The following SMARCAL1 variants were observed in gnomAD, a reference collection of about 807,000 sequenced individuals.
The protein encoded by SMARCAL1 is ATP-driven annealing helicase.
Under a neutral mutation model 94.5 loss-of-function variants are expected in SMARCAL1, and 58 were observed. That is an observed-to-expected ratio of 0.61 (90% CI 0.50 to 0.76). The LOEUF (loss-of-function observed/expected upper bound fraction) is 0.76. Ranked by LOEUF, SMARCAL1 falls within the 30% of genes least tolerant of loss-of-function variation. The pLI is 0.00. For missense variants in SMARCAL1, 1,051 were observed against 1,177.9 expected (o/e 0.89, Z 1.58); for synonymous variants, 422 against 455.1 (o/e 0.93, Z 0.93).
chr2:216,479,569 C>CTAAAGA (rs140870497), intron 17 of SMARCAL1, among the ~76,000 whole-genome samples: 51,597 of 151,620 alleles, frequency 0.34, 8,920 homozygotes, highest in African/African-American at 0.41. Context: ...TCTTTCTTTG[C>CTAAAGA]AAGGATTTAT....
intron 13 of SMARCAL1, among the ~76,000 whole-genome samples, chr2:216,466,741 T>A (rs1694837592): frequency 6.6e-6 from 1 of 152,212 alleles, no homozygotes; most frequent in Non-Finnish European, 1.5e-5. Flanking sequence ...GCCTTGTGAC[T>A]TTTTGATGCT....
rs908473973 is a variant in SMARCAL1 at position 216,453,213 on chromosome 2, G to A, written c.2070+2149G>A. On this transcript the variant is annotated intron_variant, in intron 12 of 17. Coordinates refer to ENST00000357276, the MANE Select transcript of SMARCAL1 (RefSeq NM_014140.4). Reference sequence around the variant, plus strand: ...AGAGCCCGGAGCTCTTCTCAGTCCAGCACCTGAGAGTTGCTGTCTGCTTCC... The same window carrying A: ...AGAGCCCGGAGCTCTTCTCAGTCCAACACCTGAGAGTTGCTGTCTGCTTCC... 2.0e-5 allele frequency among the ~76,000 whole-genome samples: 3 copies of A among 152,284 alleles called. No individual in the cohort carries two copies. The East Asian group carries it at 5.8e-4, about 29-fold the overall frequency.
At chr2:216,476,630 A>C (rs1695086652) in intron 15 of SMARCAL1, among the ~76,000 whole-genome samples, 1 of 152,208 alleles carries the variant, frequency 6.6e-6, no homozygotes, top group African/African-American at 2.4e-5. Flanking sequence ...ATTTATTATA[A>C]GGCTTACCAC....
At chr2:216,481,879 CT>C (rs1482300460) in intron 17 of SMARCAL1, among the ~76,000 whole-genome samples, 1 of 152,074 alleles carries the variant, frequency 6.6e-6, no homozygotes, top group East Asian at 1.9e-4. Flanking sequence ...GAAAATATAC[CT>C]CTAAATTGAA....
intron 4 of SMARCAL1, among the ~76,000 whole-genome samples, chr2:216,419,186 A>G (rs1424133326): frequency 6.6e-6 from 1 of 152,246 alleles, no homozygotes; most frequent in Non-Finnish European, 1.5e-5. Flanking sequence ...GTTTTCCAGC[A>G]GGTTTTATTC....
chr2:216,424,452 G>A (rs1693787643), intron 6 of SMARCAL1, among the ~76,000 whole-genome samples: 1 of 152,132 alleles, frequency 6.6e-6, no homozygotes, highest in African/African-American at 2.4e-5. Flanking sequence ...AATCCTGATG[G>A]CCTGTTGGGC....
intron 2 of SMARCAL1, chr2:216,414,362 G>A: frequency 3.2e-6 from 1 of 315,326 alleles, no homozygotes; most frequent in Non-Finnish European, 6.1e-6. Context: ...TCACCATGTT[G>A]GCCAGGCTGG....
intron 7 of SMARCAL1, among the ~76,000 whole-genome samples, chr2:216,431,753 A>G (rs1030297454): frequency 2.6e-5 from 4 of 152,184 alleles, no homozygotes; most frequent in African/African-American, 9.7e-5. Context: ...ATAGTGGAAT[A>G]CACCTTTATT....
chr2:216,448,221 A>C (rs1248342615), intron 11 of SMARCAL1, among the ~76,000 whole-genome samples: 1 of 152,232 alleles, frequency 6.6e-6, no homozygotes, highest in African/African-American at 2.4e-5. Flanking sequence ...TCATATATTT[A>C]GTTCATTTTC....
rs1231020910 is a variant in SMARCAL1 at position 216,475,656 on chromosome 2, C to A, written c.2427+205C>A. On this transcript the variant is annotated intron_variant, in intron 15 of 17. Coordinates refer to ENST00000357276, the MANE Select transcript of SMARCAL1 (RefSeq NM_014140.4). The surrounding 1 kb of genome is among the most constrained non-coding windows in gnomAD (Gnocchi z 4.4). ...TTTTTGAGACAGAGTCTCTTATCACCCAGGCTGGAGTGCAGTGGCATGATC... is the reference window on the plus strand; with the variant it reads ...TTTTTGAGACAGAGTCTCTTATCACACAGGCTGGAGTGCAGTGGCATGATC... Among the ~76,000 whole-genome samples, 1 of 151,916 alleles carries A rather than the reference C, an allele frequency of 6.6e-6. No homozygotes were observed. Among genetic ancestry groups the A allele is most frequent in the Admixed American group, 6.6e-5 (1 of 15,248 alleles).
At position 216,475,486 on chromosome 2, in the gene SMARCAL1, C is replaced by A; in HGVS notation, c.2427+35C>A. 1 of 1,606,822 alleles carries A rather than the reference C, an allele frequency of 6.2e-7. No homozygotes were observed. Among genetic ancestry groups the A allele is most frequent in the Non-Finnish European group, 8.5e-7 (1 of 1,173,310 alleles). On this transcript the variant is annotated intron_variant, in intron 15 of 17. Coordinates refer to ENST00000357276, the MANE Select transcript of SMARCAL1 (RefSeq NM_014140.4). This position sits in a 1 kb window ranked among gnomAD's most constrained non-coding sequence, Gnocchi z 4.4. Reference sequence around the variant, plus strand: ...GCAGAAGACTCAGATACTCCCCAGGCATGCTCATGGCTGTGGGCAGGAAGC... The same window carrying A: ...GCAGAAGACTCAGATACTCCCCAGGAATGCTCATGGCTGTGGGCAGGAAGC...
chr2:216,462,905 G>C (rs1199156260), intron 12 of SMARCAL1, among the ~76,000 whole-genome samples: 1 of 151,924 alleles, frequency 6.6e-6, no homozygotes, highest in Non-Finnish European at 1.5e-5. Flanking sequence ...TGGGAGGATT[G>C]CTTGAGCCCA....
chr2:216,478,101 A>C (rs1695127556), intron 16 of SMARCAL1, 102 bp from the exon 17 acceptor site: 1 of 959,282 alleles, frequency 1.0e-6, no homozygotes, highest in African/African-American at 1.6e-5. Flanking sequence ...TGAAACCGTA[A>C]ACAAGCCGTT....
chr2:216,450,835 G>T lies in SMARCAL1; in HGVS notation c.1852-11G>T, dbSNP rs1411015030. The T allele has an allele frequency of 6.2e-7, 1 of 1,611,244 alleles. No homozygotes were observed. Among genetic ancestry groups the T allele is most frequent in the Non-Finnish European group, 8.5e-7 (1 of 1,178,008 alleles). On this transcript the variant is annotated splice_polypyrimidine_tract_variant and intron_variant, in intron 11 of 17. Transcript: ENST00000357276. ...AGCCTCATGGGGCTGTCGCTGTCTT[G>T]TTCTCTGCAGATGCCTTGGGGGTGG...
At chr2:216,439,057 G>A (rs1574460928) in intron 10 of SMARCAL1, among the ~76,000 whole-genome samples, 1 of 152,196 alleles carries the variant, frequency 6.6e-6, no homozygotes, top group South Asian at 2.1e-4. Flanking sequence ...ACTGTTTTCT[G>A]TGGCTACCCT....
chr2:216,462,400 C>T (rs1694724445), intron 12 of SMARCAL1, among the ~76,000 whole-genome samples: 1 of 152,184 alleles, frequency 6.6e-6, no homozygotes, highest in Admixed American at 6.5e-5. Context: ...TAAGCCTGCC[C>T]TGCCCCTTTG....
chr2:216,424,100 T>C (rs1056459805), intron 6 of SMARCAL1, among the ~76,000 whole-genome samples: 2 of 152,202 alleles, frequency 1.3e-5, no homozygotes, highest in Non-Finnish European at 1.5e-5. Flanking sequence ...TCAAGAAAGA[T>C]AGGAGAGTAT....
intron 12 of SMARCAL1, among the ~76,000 whole-genome samples, chr2:216,455,486 C>A (rs1190073515): frequency 2.6e-5 from 4 of 152,186 alleles, no homozygotes; most frequent in African/African-American, 4.8e-5. Context: ...CGGCCAGGTA[C>A]CCCTCTGAAA....
intron 12 of SMARCAL1, among the ~76,000 whole-genome samples, chr2:216,452,927 T>A (rs957467251): frequency 1.3e-5 from 2 of 152,174 alleles, no homozygotes; most frequent in African/African-American, 4.8e-5. Flanking sequence ...AATTTAGGAA[T>A]GTTGGGTGTT....
Sources: allele counts gnomAD v4.1 joint callset (sites outside exome capture counted in the v4.1 genomes callset), GRCh38; gene constraint gnomAD v4.1.1; non-coding constraint Gnocchi (gnomAD v3.1); transcripts MANE v1.5; gene names NCBI Gene and HGNC (gene_info 2026-07-23, HGNC 2026-07-21).